WDR35: variants seen among roughly 807,000 people sequenced by gnomAD.
WDR35 encodes WD repeat-containing protein 35.
Under a neutral mutation model 158.3 loss-of-function variants are expected in WDR35, and 118 were observed. The ratio of observed to expected loss-of-function variants is 0.75; its 90% CI spans 0.64 to 0.87. The LOEUF is 0.87. Among genes scored for constraint, WDR35 ranks in the 40% least tolerant of loss-of-function variants. The pLI, the probability that WDR35 is intolerant of heterozygous loss-of-function variation, is 0.00. For missense variants in WDR35, 1,263 were observed against 1,405.8 expected (o/e 0.90, Z 1.62); for synonymous variants, 448 against 476.1 (o/e 0.94, Z 0.77).
intron 10 of WDR35, chr2:19,962,167 CT>C: frequency 1.1e-6 from 1 of 918,170 alleles, no homozygotes; most frequent in Non-Finnish European, 1.7e-6. Flanking sequence ...TTATTTTTAT[CT>C]GTTAATTCCA....
intron 2 of WDR35, among the ~76,000 whole-genome samples, chr2:19,983,640 G>A (rs1057324992): frequency 2.0e-5 from 3 of 152,128 alleles, no homozygotes; most frequent in African/African-American, 7.2e-5. Context: ...CAATGCTAAA[G>A]AAAATTCTAC....
At chr2:19,917,975 T>A (rs1462078688) in intron 25 of WDR35, among the ~76,000 whole-genome samples, 1 of 151,878 alleles carries the variant, frequency 6.6e-6, no homozygotes, top group Non-Finnish European at 1.5e-5. Flanking sequence ...GGAAAAAATG[T>A]TAAGGGCAAC....
At chr2:19,932,536 T>C in intron 22 of WDR35, 89 bp from the exon 23 acceptor site, 1 of 1,505,742 alleles carries the variant, frequency 6.6e-7, no homozygotes, top group Non-Finnish European at 9.1e-7. Flanking sequence ...AAGTTTATAG[T>C]AAAAACACTA....
intron 25 of WDR35, among the ~76,000 whole-genome samples, chr2:19,915,972 G>C (rs954535806): frequency 2.0e-5 from 3 of 150,694 alleles, no homozygotes; most frequent in Non-Finnish European, 4.4e-5. Flanking sequence ...GGACGAATAG[G>C]AACAGCTCTG....
At chr2:19,928,319 T>A (rs62109407) in intron 25 of WDR35, among the ~76,000 whole-genome samples, 12,700 of 152,304 alleles carry the variant, frequency 0.083, 748 homozygotes, top group East Asian at 0.23. Context: ...GTTAATCGAA[T>A]ATCTATAGAA....
At chr2:19,971,027 ATTTT>A (rs1418616074) in intron 8 of WDR35, among the ~76,000 whole-genome samples, 1 of 150,906 alleles carries the variant, frequency 6.6e-6, no homozygotes, top group African/African-American at 2.4e-5. Flanking sequence ...ATACATTCAA[ATTTT>A]TTTAATTTAA....
At position 19,931,387 on chromosome 2, in the gene WDR35, T is replaced by C; in HGVS notation, c.2846A>G (p.Lys949Arg). Reference sequence around the variant, plus strand: ...CTTGACACGTAAAGGTTTACTTCCTTTCTTTGCCTCTTCATCTGCAATCTT... The same window carrying C: ...CTTGACACGTAAAGGTTTACTTCCTCTCTTTGCCTCTTCATCTGCAATCTT... ...MFKIADEEAK[K>R]GSKPLRVKKL... The change falls in exon 24 of 27, where the codon AAA (lysine) becomes AGA (arginine). Residue 949 changes from lysine (K) to arginine (R), a missense_variant. Transcript: ENST00000281405. 1.9e-6 allele frequency: 3 copies of C among 1,613,432 alleles called. No individual in the cohort carries two copies. The highest frequency in any genetic ancestry group is 1.3e-5 in the African/African-American group (1 of 75,030).
intron 15 of WDR35, 79 bp from the exon 16 acceptor site, chr2:19,946,075 ATTC>A (rs1671042489): frequency 2.1e-6 from 3 of 1,407,756 alleles, no homozygotes; most frequent in Non-Finnish European, 2.0e-6. Context: ...ACCTATAGCC[ATTC>A]TTCTTCAAAA....
chr2:19,938,201 G>A, intron 18 of WDR35, 64 bp downstream of exon 18: 1 of 1,606,858 alleles, frequency 6.2e-7, no homozygotes. Context: ...GGAGCAGAGG[G>A]ACAAAACTGA....
intron 5 of WDR35, among the ~76,000 whole-genome samples, chr2:19,978,219 CAG>C (rs1491276720): frequency 7.3e-4 from 108 of 148,566 alleles, no homozygotes; most frequent in Non-Finnish European, 1.2e-3. Context: ...CACACACACA[CAG>C]AGCGAGCGAG....
Position 19,937,827 on chromosome 2 carries a change from C to T in WDR35, c.2183G>A (p.Ser728Asn), listed in dbSNP as rs1438418688. Residue 728 changes from serine (S) to asparagine (N), a missense_variant, in exon 19 of 27, where the codon AGT becomes AAT. Physicochemically the swap from Ser to Asn is conservative, Grantham distance 46 (BLOSUM62 1). Transcript: ENST00000281405. Reference protein sequence around the residue: ...KFVKRLGKLLSESMKQAEVVG... With the variant: ...KFVKRLGKLLNESMKQAEVVG... The stretch of plus-strand genomic sequence containing the variant: ...AACTTCAGCCTGTTTCATTGACTCA[C>T]TCAGTAGTTTGCCCAAGCGCTTCAC... 1.2e-6 allele frequency: 2 copies of T among 1,614,182 alleles called. No homozygotes were observed. The highest frequency in any genetic ancestry group is 1.7e-6 in the Non-Finnish European group (2 of 1,180,020).
At chr2:19,948,693 G>GTGACATA (rs1275510888) in intron 13 of WDR35, among the ~76,000 whole-genome samples, 1 of 152,152 alleles carries the variant, frequency 6.6e-6, no homozygotes, top group Non-Finnish European at 1.5e-5. Context: ...ATCTCAAAAG[G>GTGACATA]TGACATACTA....
chr2:19,943,597 G>A (rs1245584774), intron 16 of WDR35, among the ~76,000 whole-genome samples: 1 of 151,750 alleles, frequency 6.6e-6, no homozygotes, highest in Non-Finnish European at 1.5e-5. Context: ...CAAAAGTTTG[G>A]GAGCCCCTTG....
In WDR35 at chr2:19,969,744, T is replaced by C; in HGVS notation, c.883-139A>G. ...ACTAGTCACTTTAAAATCATGTTTCTTGAATTTTTTTTTTTTTTTTTGAGA... is the reference window on the plus strand; with the variant it reads ...ACTAGTCACTTTAAAATCATGTTTCCTGAATTTTTTTTTTTTTTTTTGAGA... On this transcript the variant is annotated intron_variant, in intron 8 of 26. Coordinates refer to ENST00000281405, the MANE Select transcript of WDR35 (RefSeq NM_020779.4). The C allele has an allele frequency of 3.1e-6, 3 of 967,924 alleles. No homozygotes were observed. The South Asian group carries it at 5.1e-5, about 16-fold the overall frequency. The allele number at this position is 967,924 out of a possible 1,614,324, so 60.0% of individuals were successfully genotyped here.
Position 19,913,927 on chromosome 2 carries a change from G to A in WDR35, c.3362+110C>T, listed in dbSNP as rs896861038. The A allele has an allele frequency of 3.3e-6, 5 of 1,517,988 alleles. No individual in the cohort carries two copies. The African/African-American group carries it at 4.1e-5, about 13-fold the overall frequency. 94.0% of individuals were successfully genotyped at this position (1,517,988 alleles called of 1,614,324 possible). A position where few individuals can be genotyped will look rare whatever the true frequency, so the allele number is the denominator to read the frequency against. On this transcript the variant is annotated intron_variant, in intron 26 of 26. Transcript: ENST00000281405. ...AAATAAAATAGGGTATAATGTTAAT[G>A]TGAATTGCTTCAAAATTCAGTGCTT...
chr2:19,969,614 G>A lies in WDR35; in HGVS notation c.883-9C>T, dbSNP rs1458566369. On this transcript the variant is annotated splice_polypyrimidine_tract_variant and intron_variant, in intron 8 of 26. Transcript: ENST00000281405. Reference sequence around the variant, plus strand: ...TTCAAAGTACCCAGATGCTGAAAAAGAAAGTTATCTTTAACCTAAAGTATA... The same window carrying A: ...TTCAAAGTACCCAGATGCTGAAAAAAAAAGTTATCTTTAACCTAAAGTATA... 6.2e-7 allele frequency: 1 copy of A among 1,612,962 alleles called. No individual in the cohort carries two copies. Among genetic ancestry groups the A allele is most frequent in the South Asian group, 1.1e-5 (1 of 91,030 alleles).
chr2:19,969,187 A>G (rs1671954883), intron 9 of WDR35, among the ~76,000 whole-genome samples: 1 of 152,134 alleles, frequency 6.6e-6, no homozygotes, highest in South Asian at 2.1e-4. Context: ...GGTACTTTTT[A>G]TCATCCCTTA....
chr2:19,966,111 T>A (rs1376432654), intron 10 of WDR35, among the ~76,000 whole-genome samples: 1 of 152,198 alleles, frequency 6.6e-6, no homozygotes, highest in African/African-American at 2.4e-5. Flanking sequence ...ACATGGCTGT[T>A]CAAAGAGTCA....
chr2:19,980,906 A>C, intron 3 of WDR35, 123 bp from the exon 4 acceptor site: 2 of 806,648 alleles, frequency 2.5e-6, no homozygotes, highest in Admixed American at 2.3e-5. Context: ...ACTAGTCTTT[A>C]ATATTCCTCA....
Sources: allele counts gnomAD v4.1 joint callset (sites outside exome capture counted in the v4.1 genomes callset), GRCh38; gene constraint gnomAD v4.1.1; transcripts MANE v1.5; gene names NCBI Gene and HGNC (gene_info 2026-07-23, HGNC 2026-07-21).